Variants in UST observed in about 807,000 individuals in gnomAD.
The protein encoded by UST is chondroitin sulfate 2-O-sulfotransferase.
A neutral mutation model predicts 45.6 loss-of-function variants in UST; 21 were observed. That is an observed-to-expected ratio of 0.46 (90% CI 0.33 to 0.66). The LOEUF is 0.66. Ranked by LOEUF, UST falls within the 30% of genes least tolerant of loss-of-function variation. The pLI is 0.02. For missense variants in UST, 463 were observed against 512.4 expected, an observed-to-expected ratio of 0.90 and a Z score of 0.93; for synonymous variants, 215 against 200.6, an observed-to-expected ratio of 1.07 and a Z score of -0.61.
intron 5 of UST, among the ~76,000 whole-genome samples, chr6:149,003,192 G>T (rs1304713249): frequency 6.6e-6 from 1 of 152,080 alleles, no homozygotes; most frequent in African/African-American, 2.4e-5. Flanking sequence ...TTTATACAAG[G>T]CCTTTAAACT....
chr6:149,017,233 C>T (rs180741365), intron 5 of UST, among the ~76,000 whole-genome samples: 3,007 of 152,058 alleles, frequency 0.02, 125 homozygotes, highest in African/African-American at 0.07. Flanking sequence ...AAAAATTAGC[C>T]GGGTGTGGTG....
At chr6:148,965,876 C>CTTTT (rs56202168) in intron 5 of UST, among the ~76,000 whole-genome samples, 1 of 126,238 alleles carries the variant, frequency 7.9e-6, no homozygotes, top group African/African-American at 3.0e-5. Context: ...TGGCTTTTCC[C>CTTTT]TTTTTTTTTT....
rs200443668 is a variant in UST at position 148,827,725 on chromosome 6, T to TAA, written c.248-59244_248-59243dup. On this transcript the variant is annotated intron_variant, in intron 1 of 7. Coordinates refer to ENST00000367463, the MANE Select transcript of UST (RefSeq NM_005715.3). ...TTAACTTTGAAATTATTCTAGTTTG[T>TAA]AAAAAAAAAAAAAAAAAACCAACAA... 8.8e-3 allele frequency among the ~76,000 whole-genome samples: 1,038 copies of TAA among 118,334 alleles called. 12 individuals carry two copies. The highest frequency in any genetic ancestry group is 0.029 in the African/African-American group (964 of 33,524). 77.6% of individuals were successfully genotyped at this position (118,334 alleles called of 152,430 possible).
At chr6:148,947,878 G>A (rs895557088) in intron 3 of UST, among the ~76,000 whole-genome samples, 3 of 151,434 alleles carry the variant, frequency 2.0e-5, no homozygotes, top group African/African-American at 7.3e-5. Context: ...TCTAGTCTTG[G>A]AGCCCTACAC....
chr6:148,814,898 AATAC>A (rs1777327641), intron 1 of UST, among the ~76,000 whole-genome samples: 1 of 152,214 alleles, frequency 6.6e-6, no homozygotes, highest in Non-Finnish European at 1.5e-5. Context: ...ATGTGCAAGA[AATAC>A]ACTAAGCCAA....
rs1776834469 is a variant in UST, at chr6:148,790,964, AG to A, written c.247+43289del. On this transcript the variant is annotated intron_variant, in intron 1 of 7. Coordinates refer to ENST00000367463, the MANE Select transcript of UST (RefSeq NM_005715.3). The surrounding 1 kb of genome is among the most constrained non-coding windows in gnomAD (Gnocchi z 4.2). ...CCCTCAGGATCTGCGCAACAGTTAA[AG>A]GTGCACGCGTTAGTGAAACCTCGCA... Among the ~76,000 whole-genome samples, 1 of 152,242 alleles carries A rather than the reference AG, an allele frequency of 6.6e-6. No homozygotes were observed. Among genetic ancestry groups the A allele is most frequent in the African/African-American group, 2.4e-5 (1 of 41,462 alleles).
Position 148,984,928 on chromosome 6 carries a change from T to C in UST, c.681+20365T>C, listed in dbSNP as rs368243372. Among the ~76,000 whole-genome samples the C allele has an allele frequency of 1.1e-3, 171 of 152,324 alleles. 1 individual carries two copies. The highest frequency in any genetic ancestry group is 3.9e-3 in the African/African-American group (161 of 41,572). ...AGACCAAGAGGAATGGATAAAGACATGTCTATGTAATAAGATCAACAATTG... is the reference window on the plus strand; with the variant it reads ...AGACCAAGAGGAATGGATAAAGACACGTCTATGTAATAAGATCAACAATTG... On this transcript the variant is annotated intron_variant, in intron 5 of 7. Transcript: ENST00000367463.
chr6:148,824,661 T>C (rs533911280), intron 1 of UST, among the ~76,000 whole-genome samples: 2 of 143,498 alleles, frequency 1.4e-5, no homozygotes, highest in Non-Finnish European at 3.0e-5. Flanking sequence ...TGGGGGTAGA[T>C]GGTATTTTCT....
At chr6:149,062,314 C>T (rs190175199) in intron 7 of UST, among the ~76,000 whole-genome samples, 2 of 152,302 alleles carry the variant, frequency 1.3e-5, no homozygotes, top group East Asian at 1.9e-4. Context: ...GGACCCTCAA[C>T]TAAGGAAGGA....
At chr6:148,931,801 C>A (rs1779926184) in intron 2 of UST, among the ~76,000 whole-genome samples, 1 of 152,142 alleles carries the variant, frequency 6.6e-6, no homozygotes, top group Non-Finnish European at 1.5e-5. Flanking sequence ...TGGGTTTCTC[C>A]ACTTAATTTT....
intron 1 of UST, among the ~76,000 whole-genome samples, chr6:148,871,718 A>G (rs1183792725): frequency 6.6e-6 from 1 of 152,200 alleles, no homozygotes; most frequent in Non-Finnish European, 1.5e-5. Context: ...TTTTAAGAAA[A>G]GTTCTCTCAA....
chr6:148,806,794 T>C (rs1382957381), intron 1 of UST, among the ~76,000 whole-genome samples: 2 of 152,154 alleles, frequency 1.3e-5, no homozygotes, highest in African/African-American at 2.4e-5. Flanking sequence ...AGGCATCACA[T>C]GGCGAGGATG....
At position 148,790,250 on chromosome 6, in the gene UST, C is replaced by A. The variant is rs1776817849; in HGVS notation, c.247+42573C>A. On this transcript the variant is annotated intron_variant, in intron 1 of 7. Transcript: ENST00000367463. The surrounding 1 kb of genome is among the most constrained non-coding windows in gnomAD (Gnocchi z 4.2). ...CCTTCATGCCCGTGCTAATCTCACTCCGTGCTCTTCTGTGCCTCCAACTGG... is the reference window on the plus strand; with the variant it reads ...CCTTCATGCCCGTGCTAATCTCACTACGTGCTCTTCTGTGCCTCCAACTGG... Among the ~76,000 whole-genome samples the A allele has an allele frequency of 6.6e-6, 1 of 152,194 alleles. No homozygotes were observed. The highest frequency in any genetic ancestry group is 2.4e-5 in the African/African-American group (1 of 41,458).
intron 2 of UST, among the ~76,000 whole-genome samples, chr6:148,933,492 G>A (rs1259980982): frequency 6.6e-6 from 1 of 152,178 alleles, no homozygotes; most frequent in Non-Finnish European, 1.5e-5. Flanking sequence ...TTCAGATTTG[G>A]CATAGCTCTT....
intron 7 of UST, among the ~76,000 whole-genome samples, chr6:149,023,338 G>A (rs1776007811): frequency 6.6e-6 from 1 of 152,184 alleles, no homozygotes; most frequent in Non-Finnish European, 1.5e-5. Flanking sequence ...GGTTCACATA[G>A]TGAGGAACTG....
At chr6:149,051,687 T>G (rs1464199882) in intron 7 of UST, among the ~76,000 whole-genome samples, 5 of 152,232 alleles carry the variant, frequency 3.3e-5, no homozygotes, top group Admixed American at 3.3e-4. Context: ...ATCTCCACTT[T>G]GTATCTGACT....
At chr6:148,808,243 G>A (rs572733912) in intron 1 of UST, among the ~76,000 whole-genome samples, 11 of 152,296 alleles carry the variant, frequency 7.2e-5, no homozygotes, top group African/African-American at 2.4e-4. Flanking sequence ...GGGGACATTC[G>A]CTTTTCTTAC....
intron 1 of UST, among the ~76,000 whole-genome samples, chr6:148,812,651 TA>T (rs1030547595): frequency 3.3e-5 from 5 of 152,214 alleles, no homozygotes; most frequent in Non-Finnish European, 5.9e-5. Flanking sequence ...GGTCTCCCCA[TA>T]GGGGTGCTCA....
chr6:148,985,673 G>A (rs1308869641), intron 5 of UST, among the ~76,000 whole-genome samples: 1 of 152,152 alleles, frequency 6.6e-6, no homozygotes. Context: ...GGGGAAGTCT[G>A]GTCTGCATTG....
Sources: allele counts gnomAD v4.1 joint callset (sites outside exome capture counted in the v4.1 genomes callset), GRCh38; gene constraint gnomAD v4.1.1; non-coding constraint Gnocchi (gnomAD v3.1); transcripts MANE v1.5; gene names NCBI Gene and HGNC (gene_info 2026-07-23, HGNC 2026-07-21).